Variants in DOCK7 observed in about 807,000 individuals in gnomAD.
The protein encoded by DOCK7 is dedicator of cytokinesis 7.
DOCK7 carries 138 observed loss-of-function variants against 271.0 expected under a neutral mutation model. That is an observed-to-expected ratio of 0.51 (90% confidence interval 0.44 to 0.59). The LOEUF is 0.59. Among genes scored for constraint, DOCK7 ranks in the 20% least tolerant of loss-of-function variants. The probability of loss-of-function intolerance (pLI) is 0.00; values close to 1 mark genes in which losing one functional copy is unlikely to be tolerated. For missense variants in DOCK7, 2,066 were observed against 2,592.4 expected, an observed-to-expected ratio of 0.80 and a Z score of 4.41; for synonymous variants, 823 against 876.1, an observed-to-expected ratio of 0.94 and a Z score of 1.07.
At chr1:62,669,576 G>C (rs1361357130) in intron 1 of DOCK7, among the ~76,000 whole-genome samples, 1 of 152,218 alleles carries the variant, frequency 6.6e-6, no homozygotes, top group Non-Finnish European at 1.5e-5. Context: ...TCAAACTCTA[G>C]TGGCATTTTT....
chr1:62,656,213 C>T (rs143703306), intron 2 of DOCK7, among the ~76,000 whole-genome samples: 2 of 152,250 alleles, frequency 1.3e-5, no homozygotes, highest in East Asian at 3.9e-4. Context: ...CAGACACAAA[C>T]ATACATGCTT....
chr1:62,505,434 A>G (rs978620724), intron 36 of DOCK7, among the ~76,000 whole-genome samples: 1 of 152,232 alleles, frequency 6.6e-6, no homozygotes, highest in African/African-American at 2.4e-5. Context: ...CCTTCTCCAC[A>G]TCCAAGTTAC....
At chr1:62,458,633 A>T (rs1165579393) in intron 48 of DOCK7, 1 of 151,924 alleles carries the variant, frequency 6.6e-6, no homozygotes, top group Non-Finnish European at 1.5e-5. Flanking sequence ...CCCAGGTTCA[A>T]GCGATTCTCC....
intron 49 of DOCK7, among the ~76,000 whole-genome samples, chr1:62,456,539 TTCA>T (rs1429716523): frequency 6.6e-6 from 1 of 152,176 alleles, no homozygotes; most frequent in Non-Finnish European, 1.5e-5. Flanking sequence ...CTAGATACTG[TTCA>T]TCAAGAAAAA....
chr1:62,675,371 C>T (rs147445896), intron 1 of DOCK7, among the ~76,000 whole-genome samples: 1 of 152,300 alleles, frequency 6.6e-6, no homozygotes, highest in East Asian at 1.9e-4. Flanking sequence ...CACTGAACTA[C>T]AGCCTGGGTA....
intron 34 of DOCK7, among the ~76,000 whole-genome samples, chr1:62,509,003 A>G (rs1286496351): frequency 2.0e-5 from 3 of 152,184 alleles, no homozygotes; most frequent in Non-Finnish European, 2.9e-5. Flanking sequence ...TAAGTCTGTG[A>G]GTCTTTATTA....
At chr1:62,675,968 G>C (rs77671894) in intron 1 of DOCK7, among the ~76,000 whole-genome samples, 3,269 of 152,182 alleles carry the variant, frequency 0.021, 50 homozygotes, top group Middle Eastern at 0.085. Context: ...AGTCATTGTG[G>C]AACAGTTTCG....
intron 48 of DOCK7, among the ~76,000 whole-genome samples, chr1:62,459,818 G>A (rs1264983646): frequency 1.3e-5 from 2 of 151,994 alleles, no homozygotes; most frequent in African/African-American, 4.8e-5. Context: ...AATGCTTCCA[G>A]GCCGGGTGCA....
intron 48 of DOCK7, among the ~76,000 whole-genome samples, chr1:62,472,997 A>G (rs1645873368): frequency 6.6e-6 from 1 of 152,110 alleles, no homozygotes; most frequent in Admixed American, 6.5e-5. Context: ...TTTCCTCCAG[A>G]TTTCACTCCA....
intron 14 of DOCK7, chr1:62,604,381 G>C: frequency 9.5e-7 from 1 of 1,051,588 alleles, no homozygotes; most frequent in Non-Finnish European, 1.4e-6. Context: ...TAACTATAAT[G>C]AAAGTGTTCA....
chr1:62,575,759 C>G (rs1324999611), intron 18 of DOCK7, among the ~76,000 whole-genome samples: 1 of 152,180 alleles, frequency 6.6e-6, no homozygotes, highest in Non-Finnish European at 1.5e-5. Flanking sequence ...TGTCTACAGT[C>G]AAATCCAAAT....
At chr1:62,579,972 C>T (rs1050428886) in intron 16 of DOCK7, among the ~76,000 whole-genome samples, 3 of 151,938 alleles carry the variant, frequency 2.0e-5, no homozygotes, top group Non-Finnish European at 2.9e-5. Flanking sequence ...AGAATAATCC[C>T]AAGAGGGCAC....
intron 31 of DOCK7, among the ~76,000 whole-genome samples, chr1:62,524,488 G>C (rs1481407421): frequency 6.6e-6 from 1 of 151,912 alleles, no homozygotes; most frequent in East Asian, 1.9e-4. Context: ...CAACAGAATG[G>C]GCAAATAAAC....
intron 14 of DOCK7, chr1:62,601,687 T>A (rs1319029667): frequency 9.7e-7 from 1 of 1,027,698 alleles, no homozygotes; most frequent in African/African-American, 1.6e-5. Flanking sequence ...CACAACTTCA[T>A]AAAATGTCAA....
intron 7 of DOCK7, among the ~76,000 whole-genome samples, chr1:62,640,285 A>G (rs12118253): frequency 0.96 from 145,569 of 152,206 alleles, 69,668 homozygotes; most frequent in East Asian, 1. Flanking sequence ...AGGCCGAGGC[A>G]GGTGGATCAC....
intron 2 of DOCK7, among the ~76,000 whole-genome samples, chr1:62,655,214 T>C (rs1028782421): frequency 3.3e-5 from 5 of 151,956 alleles, no homozygotes; most frequent in African/African-American, 1.2e-4. Flanking sequence ...ATACTTCTTA[T>C]CTAGTTCGAA....
chr1:62,617,677 T>C (rs1308466208), intron 14 of DOCK7, among the ~76,000 whole-genome samples: 1 of 152,170 alleles, frequency 6.6e-6, no homozygotes, highest in South Asian at 2.1e-4. Context: ...GATAATACTT[T>C]AGATACACTG....
rs386367151 is a variant in DOCK7 at position 62,639,426 on chromosome 1, C to CTTTTT, written c.819-2828_819-2824dup. ...AACTTAGTGCAAACTTTGTAATACT[C>CTTTTT]TTTTTTTTTTTTTTTTTTTTTTTTT... On this transcript the variant is annotated intron_variant, in intron 7 of 49. Transcript: ENST00000635253. Among the ~76,000 whole-genome samples, 37 of 75,858 alleles carry CTTTTT rather than the reference C, an allele frequency of 4.9e-4. 8 individuals are homozygous for CTTTTT. The highest frequency in any genetic ancestry group is 1.1e-3 in the South Asian group (2 of 1,800). The allele number at this position is 75,858 out of a possible 152,430, so 49.8% of individuals were successfully genotyped here. A position where few individuals can be genotyped will look rare whatever the true frequency, so the allele number is the denominator to read the frequency against.
chr1:62,531,358 C>T (rs1332055314), intron 29 of DOCK7, among the ~76,000 whole-genome samples: 2 of 152,160 alleles, frequency 1.3e-5, no homozygotes, highest in Admixed American at 6.5e-5. Flanking sequence ...TATATTAATA[C>T]AAGATCTGTA....
Sources: allele counts gnomAD v4.1 joint callset (sites outside exome capture counted in the v4.1 genomes callset), GRCh38; gene constraint gnomAD v4.1.1; transcripts MANE v1.5; gene names NCBI Gene and HGNC (gene_info 2026-07-23, HGNC 2026-07-21).